ZBTB7C: variants seen among roughly 807,000 people sequenced by gnomAD.
The protein encoded by ZBTB7C is zinc finger and BTB domain containing 7C.
ZBTB7C carries 8 observed loss-of-function variants against 25.7 expected under a neutral mutation model. The observed-to-expected ratio is 0.31, with a 90% confidence interval of 0.18 to 0.56. The LOEUF is 0.56. ZBTB7C is among the 20% of genes least tolerant of loss of function. The pLI is 0.91. For synonymous variants in ZBTB7C, 394 were observed against 369.0 expected, an observed-to-expected ratio of 1.07 and a Z score of -0.78; for missense variants, 824 against 855.2, an observed-to-expected ratio of 0.96 and a Z score of 0.46.
chr18:48,402,097 T>C (rs1179720292), intron 1 of ZBTB7C, among the ~76,000 whole-genome samples: 1 of 152,084 alleles, frequency 6.6e-6, no homozygotes, highest in Non-Finnish European at 1.5e-5. Flanking sequence ...TGAGTCCTAC[T>C]GTGTGCCGGA....
At chr18:48,214,631 AC>A (rs1473732242) in intron 2 of ZBTB7C, among the ~76,000 whole-genome samples, 1 of 152,104 alleles carries the variant, frequency 6.6e-6, no homozygotes, top group African/African-American at 2.4e-5. Context: ...GACAGTAGCA[AC>A]CCTTTTATTC....
rs1157117346 is a variant in ZBTB7C at position 48,029,328 on chromosome 18, C to T, written c.1792G>A (p.Gly598Ser). 1.9e-6 allele frequency: 3 copies of T among 1,540,662 alleles called. No homozygotes were observed. The Admixed American group carries it at 5.8e-5, about 30-fold the overall frequency. The part of the protein sequence containing the change: ...YFPLPDPWAA[G>S]LAGLPGLAGL... Reference sequence around the variant, plus strand: ...GCGAGCCCAGGGAGGCCGGCCAGGCCGGCGGCCCAAGGGTCGGGCAGCGGG... The same window carrying T: ...GCGAGCCCAGGGAGGCCGGCCAGGCTGGCGGCCCAAGGGTCGGGCAGCGGG... Residue 598 changes from glycine to serine, a missense_variant, in exon 5 of 5, where the codon GGC becomes AGC. Around this residue, in one of 4 missense-constraint regions of ZBTB7C, gnomAD observed 342 missense variants for 307.0 expected, o/e 1.11. Coordinates refer to ENST00000590800, the MANE Select transcript of ZBTB7C (RefSeq NM_001318841.2).
At chr18:48,207,629 TATTCTATAGAGACTGGATTTCC>T (rs774437129) in intron 2 of ZBTB7C, among the ~76,000 whole-genome samples, 3,593 of 119,562 alleles carry the variant, frequency 0.03, 68 homozygotes, top group Non-Finnish European at 0.052. Context: ...ATCTAAAATA[TATTCTATAGAGACTGGATTTCC>T]CTATGTTGCC....
chr18:48,404,978 C>T lies in ZBTB7C; in HGVS notation c.-304+4248G>A, dbSNP rs1328475653. 2.6e-5 allele frequency among the ~76,000 whole-genome samples: 4 copies of T among 152,214 alleles called. No homozygotes were observed. In the East Asian group the frequency reaches 7.7e-4, roughly 29 times the overall value. ...GCCCTGACCTCTCCATCCACAGCCTCCTACTGAAGTCTCCCCCTGGTAAAA... is the reference window on the plus strand; with the variant it reads ...GCCCTGACCTCTCCATCCACAGCCTTCTACTGAAGTCTCCCCCTGGTAAAA... On this transcript the variant is annotated intron_variant, in intron 1 of 4. Coordinates refer to ENST00000590800, the MANE Select transcript of ZBTB7C (RefSeq NM_001318841.2).
At position 48,029,280 on chromosome 18, in the gene ZBTB7C, T is replaced by C. The variant is rs1386694685; in HGVS notation, c.1840A>G (p.Met614Val). 9 of 1,537,622 alleles carry C rather than the reference T, an allele frequency of 5.9e-6. No individual in the cohort carries two copies. The Admixed American group carries it at 1.6e-4, about 27-fold the overall frequency. ...GLAGLNHVAS[M>V]SEANN Reference sequence around the variant, plus strand: ...CCAGCCTAGTTGTTGGCTTCGGACATGGAGGCCACGTGGTTGAGGCCGGCG... The same window carrying C: ...CCAGCCTAGTTGTTGGCTTCGGACACGGAGGCCACGTGGTTGAGGCCGGCG... The change falls in exon 5 of 5, where the codon ATG (methionine) becomes GTG (valine). Residue 614 changes from methionine (M) to valine (V), a missense_variant. Met to Val is a conservative substitution (Grantham distance 21). Around this residue, in one of 4 missense-constraint regions of ZBTB7C, gnomAD observed 342 missense variants for 307.0 expected, o/e 1.11. Transcript: ENST00000590800.
intron 3 of ZBTB7C, among the ~76,000 whole-genome samples, chr18:48,098,629 G>A (rs1291090935): frequency 1.3e-5 from 2 of 152,116 alleles, no homozygotes; most frequent in Non-Finnish European, 1.5e-5. Flanking sequence ...GCTCCCATCC[G>A]GGTCCCTGTG....
intron 2 of ZBTB7C, among the ~76,000 whole-genome samples, chr18:48,294,228 C>T (rs1241132941): frequency 2.6e-5 from 4 of 152,182 alleles, no homozygotes; most frequent in South Asian, 2.1e-4. Context: ...TAATCACCTG[C>T]GGAAGGCACA....
chr18:48,405,773 G>A (rs965136066), intron 1 of ZBTB7C, among the ~76,000 whole-genome samples: 1 of 148,124 alleles, frequency 6.8e-6, no homozygotes, highest in African/African-American at 2.5e-5. Flanking sequence ...CTGCACACAG[G>A]CCGGGGTTCA....
At chr18:48,243,137 G>A (rs779524310) in intron 2 of ZBTB7C, among the ~76,000 whole-genome samples, 3 of 151,862 alleles carry the variant, frequency 2.0e-5, no homozygotes, top group African/African-American at 2.4e-5. Flanking sequence ...GGTCGTACAC[G>A]CCTATAATTC....
At chr18:48,169,485 G>A (rs1427757388) in intron 3 of ZBTB7C, among the ~76,000 whole-genome samples, 2 of 152,192 alleles carry the variant, frequency 1.3e-5, no homozygotes, top group African/African-American at 2.4e-5. Flanking sequence ...ACACTGTGTT[G>A]CACATGGAAG....
chr18:48,213,893 T>C (rs981137759), intron 2 of ZBTB7C, among the ~76,000 whole-genome samples: 3 of 152,188 alleles, frequency 2.0e-5, no homozygotes, highest in Non-Finnish European at 2.9e-5. Context: ...TGTCAAAATG[T>C]AGGGCTGGGA....
intron 2 of ZBTB7C, among the ~76,000 whole-genome samples, chr18:48,249,596 G>A (rs2043791108): frequency 6.6e-6 from 1 of 152,296 alleles, no homozygotes; most frequent in Non-Finnish European, 1.5e-5. Flanking sequence ...TTTGGGGTTA[G>A]TAGAATTTTA....
chr18:48,378,657 A>G (rs2047573417), intron 1 of ZBTB7C, among the ~76,000 whole-genome samples: 1 of 152,120 alleles, frequency 6.6e-6, no homozygotes. Flanking sequence ...AAAACAAACA[A>G]CTTGGAAAGA....
At chr18:48,167,599 CGCGCGT>C (rs1324652046) in intron 3 of ZBTB7C, among the ~76,000 whole-genome samples, 6 of 92,690 alleles carry the variant, frequency 6.5e-5, no homozygotes, top group African/African-American at 1.6e-4. Context: ...TGTGTGTGTG[CGCGCGT>C]GCACACGCGC....
At chr18:48,307,423 G>A (rs1161877258) in intron 2 of ZBTB7C, among the ~76,000 whole-genome samples, 1 of 152,242 alleles carries the variant, frequency 6.6e-6, no homozygotes, top group Non-Finnish European at 1.5e-5. Flanking sequence ...CCAGGCCAGG[G>A]ACTGGTCAGG....
chr18:48,350,100 A>T (rs958114837), intron 1 of ZBTB7C, among the ~76,000 whole-genome samples: 2 of 152,192 alleles, frequency 1.3e-5, no homozygotes, highest in Non-Finnish European at 2.9e-5. Flanking sequence ...TTTGAGTGGA[A>T]TATTAGCTTT....
At chr18:48,280,716 G>A (rs2044815859) in intron 2 of ZBTB7C, among the ~76,000 whole-genome samples, 1 of 152,042 alleles carries the variant, frequency 6.6e-6, no homozygotes, top group Non-Finnish European at 1.5e-5. Flanking sequence ...CCCCAGCAAG[G>A]CATGACTTGA....
chr18:48,030,425 T>C (rs2035693663), intron 4 of ZBTB7C, among the ~76,000 whole-genome samples: 1 of 152,210 alleles, frequency 6.6e-6, no homozygotes, highest in Non-Finnish European at 1.5e-5. Context: ...TGTTTGGCAC[T>C]AATCTGGGAG....
chr18:48,061,582 T>C lies in ZBTB7C; in HGVS notation c.-16-20459A>G, dbSNP rs761163311. 3.2e-4 allele frequency among the ~76,000 whole-genome samples: 48 copies of C among 152,196 alleles called. 1 individual carries two copies. Among genetic ancestry groups the C allele is most frequent in the Non-Finnish European group, 1.0e-4 (7 of 68,036 alleles). On this transcript the variant is annotated intron_variant, in intron 3 of 4. Transcript: ENST00000590800. ...CACGCACATATATGTATGGCCAGCTTTCAAATGCAGACGGGATTGGAATCG... is the reference window on the plus strand; with the variant it reads ...CACGCACATATATGTATGGCCAGCTCTCAAATGCAGACGGGATTGGAATCG...
Sources: gnomAD v4.1 joint callset for allele counts (sites outside exome capture counted in the v4.1 genomes callset) on GRCh38, gnomAD v4.1.1 for gene constraint, gnomAD v4.1.1 regional missense constraint, MANE v1.5 for transcripts, NCBI Gene and HGNC (gene_info 2026-07-23, HGNC 2026-07-21) for gene names.